Variants in NKD2 observed in about 807,000 individuals in gnomAD.
The protein encoded by NKD2 is protein naked cuticle homolog 2.
In NKD2, 43 loss-of-function variants were observed where a neutral mutation model predicts 34.8. The ratio of observed to expected loss-of-function variants is 1.24; its 90% CI spans 0.97 to 1.60. The LOEUF is 1.60. Ranked by LOEUF, NKD2 falls within the 40% of genes most tolerant of loss-of-function variation. NKD2 has a pLI of 0.00. For missense variants in NKD2, 675 were observed against 627.1 expected (o/e 1.08, Z -0.82); for synonymous variants, 278 against 265.1 (o/e 1.05, Z -0.47).
chr5:1,016,860 G>A (rs78770420), intron 3 of NKD2, among the ~76,000 whole-genome samples: 1 of 150,074 alleles, frequency 6.7e-6, no homozygotes, highest in Non-Finnish European at 1.5e-5. Context: ...CCTCATCCTC[G>A]TTTCCCCAAA....
At chr5:1,025,748 G>T (rs1756363227) in intron 3 of NKD2, among the ~76,000 whole-genome samples, 1 of 90,280 alleles carries the variant, frequency 1.1e-5, no homozygotes, top group South Asian at 3.8e-4. Context: ...CCCGCTGTGG[G>T]CGTCTCAGCC....
At chr5:1,010,175 G>T (rs919038822) in intron 3 of NKD2, among the ~76,000 whole-genome samples, 1 of 152,192 alleles carries the variant, frequency 6.6e-6, no homozygotes, top group Non-Finnish European at 1.5e-5. Context: ...GGGTGAGGAA[G>T]GTGCTATGTC....
intron 3 of NKD2, among the ~76,000 whole-genome samples, chr5:1,029,912 A>C (rs1455059764): frequency 2.6e-5 from 4 of 151,652 alleles, no homozygotes; most frequent in African/African-American, 9.7e-5. Context: ...CCTCACTGCT[A>C]TCTGTAAGGA....
At chr5:1,033,830 C>T (rs535253131) in intron 5 of NKD2, among the ~76,000 whole-genome samples, 2 of 152,210 alleles carry the variant, frequency 1.3e-5, no homozygotes, top group African/African-American at 2.4e-5. Context: ...ACTCTCTGCC[C>T]GCTGGAGGCA....
intron 5 of NKD2, among the ~76,000 whole-genome samples, chr5:1,033,726 C>T (rs1187885360): frequency 6.6e-6 from 1 of 152,226 alleles, no homozygotes; most frequent in African/African-American, 2.4e-5. Context: ...CCAAAACTGA[C>T]TGGTCTGGCA....
chr5:1,021,153 T>G (rs1290767692), intron 3 of NKD2, among the ~76,000 whole-genome samples: 2 of 152,238 alleles, frequency 1.3e-5, no homozygotes, highest in Admixed American at 6.5e-5. Flanking sequence ...CCAAAGTTAC[T>G]GCTTTTCTAG....
intron 3 of NKD2, among the ~76,000 whole-genome samples, chr5:1,031,719 T>C (rs535038118): frequency 1.3e-5 from 2 of 152,282 alleles, no homozygotes; most frequent in South Asian, 4.2e-4. Context: ...AGAGGCATGT[T>C]GGGGTCCTGG....
rs1579274678 is a variant in NKD2, at chr5:1,034,672, G to A, written c.427-84G>A. The A allele has an allele frequency of 3.6e-6, 5 of 1,391,014 alleles. No individual in the cohort carries two copies. In the South Asian group the frequency reaches 3.8e-5, roughly 11 times the overall value. 86.2% of individuals were successfully genotyped at this position (1,391,014 alleles called of 1,614,324 possible). ...TGCAAGGATGGCATAGGAAGGGGCG[G>A]GGGCTGGATGTGTTTTCTGGCAGGG... On this transcript the variant is annotated intron_variant, in intron 6 of 9. Transcript: ENST00000296849.
At chr5:1,012,037 C>T (rs967317215) in intron 3 of NKD2, among the ~76,000 whole-genome samples, 5 of 152,202 alleles carry the variant, frequency 3.3e-5, no homozygotes, top group African/African-American at 1.2e-4. Flanking sequence ...GGTGGCAGTG[C>T]ACTTGTGTGG....
intron 3 of NKD2, among the ~76,000 whole-genome samples, chr5:1,027,936 G>T (rs949030840): frequency 6.6e-6 from 1 of 152,284 alleles, no homozygotes; most frequent in African/African-American, 2.4e-5. Context: ...TGGCGCCTCT[G>T]CAGGGGTTCC....
intron 4 of NKD2, among the ~76,000 whole-genome samples, chr5:1,032,638 A>G (rs1366354129): frequency 6.6e-6 from 1 of 152,242 alleles, no homozygotes; most frequent in Non-Finnish European, 1.5e-5. Flanking sequence ...GGCGCGTGGC[A>G]GGTCAGCACT....
chr5:1,016,379 G>A (rs1252167020), intron 3 of NKD2, among the ~76,000 whole-genome samples: 2 of 152,262 alleles, frequency 1.3e-5, no homozygotes, highest in African/African-American at 4.8e-5. Context: ...ATCCTGTCCT[G>A]CGCAGAGCTG....
intron 8 of NKD2, chr5:1,035,806 G>A: frequency 2.5e-6 from 1 of 402,238 alleles, no homozygotes; most frequent in Non-Finnish European, 4.5e-6. Flanking sequence ...GGGGTGGCTG[G>A]GGCAGTGGCT....
chr5:1,013,580 G>A (rs985192538), intron 3 of NKD2, among the ~76,000 whole-genome samples: 1 of 152,248 alleles, frequency 6.6e-6, no homozygotes, highest in Non-Finnish European at 1.5e-5. Flanking sequence ...TGGATACCAT[G>A]TATGTAGTTT....
intron 8 of NKD2, chr5:1,035,815 CTGAGGGTGGCTGGGGCAGTGGT>C (rs1308201625): frequency 5.7e-6 from 2 of 352,834 alleles, no homozygotes; most frequent in Non-Finnish European, 1.0e-5. Context: ...GGGGCAGTGG[CTGAGGGTGGCTGGGGCAGTGGT>C]TGGGGGTGGC....
intron 3 of NKD2, among the ~76,000 whole-genome samples, chr5:1,019,288 G>C (rs1188006924): frequency 6.6e-6 from 1 of 152,144 alleles, no homozygotes; most frequent in African/African-American, 2.4e-5. Flanking sequence ...CTTGGATCCG[G>C]TGCCCTTCCT....
intron 3 of NKD2, among the ~76,000 whole-genome samples, chr5:1,030,865 A>G (rs1297629139): frequency 6.6e-6 from 1 of 152,020 alleles, no homozygotes; most frequent in Non-Finnish European, 1.5e-5. Context: ...CCAGCAGGAG[A>G]CCTCAGCTCT....
chr5:1,038,314 CACCACCACCACCACG>C lies in NKD2; in HGVS notation c.1299_1313del (p.His433_Glu438delinsGln), dbSNP rs1734117366. ...GGTGCCAGTGATCCAGCGGCACGAG[CACCACCACCACCACG>C]AGCACCACCACCACCACCACCACCA... On this transcript the variant is annotated inframe_deletion, in exon 10 of 10. Coordinates refer to ENST00000296849, the MANE Select transcript of NKD2 (RefSeq NM_033120.4). This position sits in a 1 kb window ranked among gnomAD's most constrained non-coding sequence, Gnocchi z 4.5. The C allele has an allele frequency of 6.5e-7, 1 of 1,530,530 alleles. No individual in the cohort carries two copies. The highest frequency in any genetic ancestry group is 2.5e-5 in the East Asian group (1 of 40,728). The allele number at this position is 1,530,530 out of a possible 1,614,324, so 94.8% of individuals were successfully genotyped here. A position where few individuals can be genotyped will look rare whatever the true frequency, so the allele number is the denominator to read the frequency against.
Position 1,009,191 on chromosome 5 carries a change from G to A in NKD2, c.38G>A (p.Arg13His). ...CGCCGTGCCGCAGCCGCCGCCGCCC[G>A]CAAGCGGAGAGAGAGCCCGGAAGGT... ...KLQSKHAAAARKRRESPEGDS... is the reference protein window; with the variant it reads ...KLQSKHAAAAHKRRESPEGDS... The change falls in exon 2 of 10, where the codon CGC becomes CAC. Residue 13 changes from arginine to histidine, a missense_variant. Arg to His is a conservative substitution (Grantham distance 29). Transcript: ENST00000296849. This position sits in a 1 kb window ranked among gnomAD's most constrained non-coding sequence, Gnocchi z 6.9. 3.6e-6 allele frequency: 2 copies of A among 560,492 alleles called. No homozygotes were observed. The highest frequency in any genetic ancestry group is 2.1e-5 in the South Asian group (1 of 47,958). The allele number at this position is 560,492 out of a possible 1,614,324, so 34.7% of individuals were successfully genotyped here. A position where few individuals can be genotyped will look rare whatever the true frequency, so the allele number is the denominator to read the frequency against.
Sources: gnomAD v4.1 joint callset for allele counts (sites outside exome capture counted in the v4.1 genomes callset) on GRCh38, gnomAD v4.1.1 for gene constraint, Gnocchi (gnomAD v3.1) non-coding constraint, MANE v1.5 for transcripts, NCBI Gene and HGNC (gene_info 2026-07-23, HGNC 2026-07-21) for gene names.